Variants in F13A1 observed in about 807,000 individuals in gnomAD.
The protein encoded by F13A1 is coagulation factor XIII A chain.
F13A1 carries 47 observed loss-of-function variants against 80.1 expected under a neutral mutation model. The ratio of observed to expected loss-of-function variants is 0.59; its 90% CI spans 0.46 to 0.75. The LOEUF is 0.75. Among genes scored for constraint, F13A1 ranks in the 30% least tolerant of loss-of-function variants. F13A1 has a pLI of 0.00. For missense variants in F13A1, 817 were observed against 930.4 expected, an observed-to-expected ratio of 0.88 and a Z score of 1.59; for synonymous variants, 349 against 344.9, an observed-to-expected ratio of 1.01 and a Z score of -0.13.
intron 13 of F13A1, among the ~76,000 whole-genome samples, chr6:6,152,999 A>G (rs550811106): frequency 1.3e-4 from 20 of 152,356 alleles, no homozygotes; most frequent in African/African-American, 4.6e-4. Flanking sequence ...CAAAGGCCCA[A>G]TGCATTACAG....
intron 6 of F13A1, among the ~76,000 whole-genome samples, chr6:6,241,536 A>G (rs1757483276): frequency 6.6e-6 from 1 of 152,196 alleles, no homozygotes; most frequent in South Asian, 2.1e-4. Flanking sequence ...TAAAATCCAT[A>G]TGGGTAAATG....
intron 3 of F13A1, among the ~76,000 whole-genome samples, chr6:6,281,187 C>T (rs1392063912): frequency 1.3e-5 from 2 of 152,210 alleles, no homozygotes; most frequent in African/African-American, 2.4e-5. Context: ...CTTCTTCTTA[C>T]CTCCATATTT....
chr6:6,232,483 A>C (rs1161278716), intron 6 of F13A1, among the ~76,000 whole-genome samples: 1 of 152,222 alleles, frequency 6.6e-6, no homozygotes, highest in African/African-American at 2.4e-5. Flanking sequence ...GAAATGAGAT[A>C]GACAGTAAGA....
chr6:6,282,616 C>T (rs948499526), intron 3 of F13A1, among the ~76,000 whole-genome samples: 5 of 152,174 alleles, frequency 3.3e-5, no homozygotes, highest in Non-Finnish European at 5.9e-5. Flanking sequence ...AAGACACCTT[C>T]GGAAATGACC....
At chr6:6,201,640 G>A (rs1761396130) in intron 8 of F13A1, among the ~76,000 whole-genome samples, 4 of 152,152 alleles carry the variant, frequency 2.6e-5, no homozygotes, top group Admixed American at 6.6e-5. Flanking sequence ...AGCATGCTCA[G>A]TTTTTTATAT....
intron 1 of F13A1, among the ~76,000 whole-genome samples, chr6:6,318,891 A>G (rs1384171347): frequency 6.6e-6 from 1 of 152,132 alleles, no homozygotes; most frequent in Non-Finnish European, 1.5e-5. Context: ...TCTTGGGGAG[A>G]TTTTTGTATG....
chr6:6,147,649 G>A (rs1047456436), intron 14 of F13A1, among the ~76,000 whole-genome samples: 5 of 152,116 alleles, frequency 3.3e-5, no homozygotes, highest in African/African-American at 7.2e-5. Flanking sequence ...TTAAGGACCC[G>A]ACCTGAGACC....
At chr6:6,217,490 G>C (rs1256097446) in intron 8 of F13A1, among the ~76,000 whole-genome samples, 2 of 139,884 alleles carry the variant, frequency 1.4e-5, no homozygotes, top group Non-Finnish European at 3.0e-5. Context: ...AGAACATATG[G>C]ACACAGGAAG....
chr6:6,238,715 C>CATAT (rs4053228), intron 6 of F13A1, among the ~76,000 whole-genome samples: 7,487 of 145,906 alleles, frequency 0.051, 358 homozygotes, highest in African/African-American at 0.12. Flanking sequence ...AAACATGCTG[C>CATAT]ATATATATAT....
At chr6:6,158,936 C>G (rs1417945482) in intron 13 of F13A1, among the ~76,000 whole-genome samples, 15 of 142,086 alleles carry the variant, frequency 1.1e-4, no homozygotes, top group African/African-American at 4.0e-4. Context: ...GAGTCTTGCT[C>G]TGTTGCCCAG....
intron 8 of F13A1, among the ~76,000 whole-genome samples, chr6:6,199,780 G>C (rs901360767): frequency 1.3e-5 from 2 of 152,306 alleles, no homozygotes; most frequent in East Asian, 1.9e-4. Flanking sequence ...AAGATGGATG[G>C]AGAGGCAAGG....
At chr6:6,291,473 C>T (rs2113157604) in intron 3 of F13A1, among the ~76,000 whole-genome samples, 1 of 152,252 alleles carries the variant, frequency 6.6e-6, no homozygotes, top group Admixed American at 6.5e-5. Context: ...TCCAAATTGA[C>T]TACACCCATT....
intron 3 of F13A1, among the ~76,000 whole-genome samples, chr6:6,275,245 A>G (rs1243039142): frequency 1.3e-5 from 2 of 152,130 alleles, no homozygotes; most frequent in African/African-American, 4.8e-5. Flanking sequence ...AGTAGACGCA[A>G]CAGGTATTTG....
chr6:6,294,098 C>T (rs73363323), intron 3 of F13A1, among the ~76,000 whole-genome samples: 8,489 of 152,060 alleles, frequency 0.056, 621 homozygotes, highest in African/African-American at 0.17. Context: ...CATTTACCCC[C>T]GAACCTAAAA....
intron 6 of F13A1, among the ~76,000 whole-genome samples, chr6:6,228,536 C>A (rs1757308204): frequency 6.6e-6 from 1 of 151,990 alleles, no homozygotes; most frequent in Non-Finnish European, 1.5e-5. Flanking sequence ...GAATTCAAGA[C>A]CAGCCTGGCC....
intron 1 of F13A1, among the ~76,000 whole-genome samples, chr6:6,319,977 T>G (rs1433831469): frequency 2.0e-5 from 3 of 152,182 alleles, no homozygotes; most frequent in Non-Finnish European, 4.4e-5. Context: ...GGCTGCGGCA[T>G]TGCCAGGGGT....
intron 2 of F13A1, among the ~76,000 whole-genome samples, chr6:6,316,039 T>A: frequency 8.1e-6 from 1 of 122,980 alleles, no homozygotes; most frequent in African/African-American, 3.1e-5. Context: ...GAGATAGACC[T>A]CCTTGTTCAG....
At chr6:6,205,367 A>T (rs563336064) in intron 8 of F13A1, among the ~76,000 whole-genome samples, 1 of 152,342 alleles carries the variant, frequency 6.6e-6, no homozygotes. Context: ...GGCATGAACC[A>T]AATGGATGTT....
chr6:6,295,105 T>C (rs1758302189), intron 3 of F13A1, among the ~76,000 whole-genome samples: 1 of 147,100 alleles, frequency 6.8e-6, no homozygotes, highest in Admixed American at 6.7e-5. Context: ...TAGTATTCCA[T>C]GGTGTATATG....
Sources: allele counts gnomAD v4.1 joint callset (sites outside exome capture counted in the v4.1 genomes callset), GRCh38; gene constraint gnomAD v4.1.1; transcripts MANE v1.5; gene names NCBI Gene and HGNC (gene_info 2026-07-23, HGNC 2026-07-21).